Variants in WDHD1 observed in about 807,000 individuals in gnomAD.
The protein encoded by WDHD1 is WD repeat and HMG-box DNA-binding protein 1.
Under a neutral mutation model 135.4 loss-of-function variants are expected in WDHD1, and 111 were observed. That is an observed-to-expected ratio of 0.82 (90% CI 0.70 to 0.96). The LOEUF is 0.96. WDHD1 is among the 40% of genes least tolerant of loss of function. The pLI, the probability that WDHD1 is intolerant of heterozygous loss-of-function variation, is 0.00. For missense variants in WDHD1, 1,351 were observed against 1,336.3 expected (o/e 1.01, Z -0.17); for synonymous variants, 434 against 439.0 (o/e 0.99, Z 0.14).
intron 2 of WDHD1, among the ~76,000 whole-genome samples, chr14:55,019,925 T>A (rs1223367100): frequency 6.6e-6 from 1 of 152,156 alleles, no homozygotes; most frequent in African/African-American, 2.4e-5. Flanking sequence ...ATATCAAGAC[T>A]TCATCAGCTT....
At chr14:54,996,482 C>A (rs1311439917) in intron 10 of WDHD1, among the ~76,000 whole-genome samples, 1 of 152,116 alleles carries the variant, frequency 6.6e-6, no homozygotes, top group African/African-American at 2.4e-5. Context: ...TGTCTATAGT[C>A]CCAGCTACCT....
chr14:54,947,710 GC>G (rs2040952622), intron 24 of WDHD1, among the ~76,000 whole-genome samples: 1 of 151,852 alleles, frequency 6.6e-6, no homozygotes. Flanking sequence ...TCCTGCCTCA[GC>G]CTCCCAAGTA....
chr14:54,977,962 C>A, intron 16 of WDHD1, among the ~76,000 whole-genome samples: 1 of 147,544 alleles, frequency 6.8e-6, no homozygotes, highest in African/African-American at 2.5e-5. Context: ...GGATAAATTA[C>A]TAAGGGTGTG....
At chr14:55,004,449 C>T (rs1321353060) in intron 7 of WDHD1, among the ~76,000 whole-genome samples, 2 of 151,728 alleles carry the variant, frequency 1.3e-5, no homozygotes, top group Admixed American at 6.6e-5. Context: ...TTTTTAGCAA[C>T]CAATGTTTAT....
At chr14:54,974,155 C>T (rs2140181360) in intron 16 of WDHD1, among the ~76,000 whole-genome samples, 1 of 151,464 alleles carries the variant, frequency 6.6e-6, no homozygotes, top group Non-Finnish European at 1.5e-5. Flanking sequence ...GGCACAGTGG[C>T]TCATGCCTGT....
chr14:55,026,829 CTTA>C, intron 1 of WDHD1, 26 bp from the exon 2 acceptor site: 2 of 1,607,544 alleles, frequency 1.2e-6, no homozygotes, highest in Non-Finnish European at 1.7e-6. Flanking sequence ...AAAAGCCAGT[CTTA>C]TTATTTCAAA....
rs1027278121 is a variant in WDHD1, at chr14:55,006,510, T to G, written c.600+770A>C. Among the ~76,000 whole-genome samples the G allele has an allele frequency of 5.3e-5, 8 of 152,240 alleles. No individual in the cohort carries two copies. The East Asian group carries it at 1.5e-3, about 29-fold the overall frequency. On this transcript the variant is annotated intron_variant, in intron 7 of 25. Transcript: ENST00000360586. ...CCAGTTACCTTACTAAATTTTCTTA[T>G]TAGTAGTAATGATTTTCTTCCCCAG... is the stretch of plus-strand genomic sequence containing the variant.
At chr14:54,948,785 C>T (rs778352315) in intron 24 of WDHD1, among the ~76,000 whole-genome samples, 1 of 152,150 alleles carries the variant, frequency 6.6e-6, no homozygotes, top group South Asian at 2.1e-4. Context: ...CTCACACGGC[C>T]GGGTACCCCT....
intron 16 of WDHD1, among the ~76,000 whole-genome samples, chr14:54,968,516 A>C (rs2041380637): frequency 6.6e-6 from 1 of 152,186 alleles, no homozygotes; most frequent in African/African-American, 2.4e-5. Flanking sequence ...AAATAACAGC[A>C]GAACTAAACA....
In WDHD1 at chr14:55,027,034, G is replaced by A; in HGVS notation, c.-23C>T. 2.0e-6 allele frequency: 1 copy of A among 499,816 alleles called. No homozygotes were observed. Among genetic ancestry groups the A allele is most frequent in the Non-Finnish European group, 3.6e-6 (1 of 275,578 alleles). The allele number at this position is 499,816 out of a possible 1,614,324, so 31.0% of individuals were successfully genotyped here. On this transcript the variant is annotated 5_prime_UTR_variant, in exon 1 of 26. Coordinates refer to ENST00000360586, the MANE Select transcript of WDHD1 (RefSeq NM_007086.4). Reference sequence around the variant, plus strand: ...AGCCGGAGTGGGGACTCACCCGGGTGACCGAGCCTCCGCCACTGAGGATCC... The same window carrying A: ...AGCCGGAGTGGGGACTCACCCGGGTAACCGAGCCTCCGCCACTGAGGATCC...
At chr14:54,977,087 G>GT (rs571063052) in intron 16 of WDHD1, among the ~76,000 whole-genome samples, 2,990 of 146,666 alleles carry the variant, frequency 0.02, 70 homozygotes, top group African/African-American at 0.061. Flanking sequence ...AAATAAGGTT[G>GT]TTTTTTTTTT....
chr14:54,991,252 C>G lies in WDHD1; in HGVS notation c.1302G>C (p.Gln434His), dbSNP rs370266207. 3 of 1,611,754 alleles carry G rather than the reference C, an allele frequency of 1.9e-6. No individual in the cohort carries two copies. In the African/African-American group the frequency reaches 4.0e-5, roughly 22 times the overall value. ...PMPTPRQKPF[Q>H]SGSTPLHLTH... is the part of the protein sequence containing the mutation. ...TGAGATGCAACGGTGTAGAACCTGA[C>G]TGAAATGGCTTTTGCCGGGGAGTTG... Residue 434 changes from glutamine to histidine, a missense_variant, in exon 12 of 26, where the codon CAG becomes CAC. By Grantham distance (24) the Gln-to-His change is conservative. Transcript: ENST00000360586.
intron 9 of WDHD1, 50 bp downstream of exon 9, chr14:55,000,836 A>G (rs2041968254): frequency 7.5e-7 from 1 of 1,341,112 alleles, no homozygotes; most frequent in African/African-American, 1.5e-5. Flanking sequence ...AACAAATACA[A>G]AACTAATAGA....
intron 7 of WDHD1, among the ~76,000 whole-genome samples, chr14:55,002,853 A>G (rs2041998677): frequency 6.6e-6 from 1 of 152,088 alleles, no homozygotes; most frequent in Admixed American, 6.6e-5. Flanking sequence ...TCAGCCTCCC[A>G]AAGTGCTGAG....
intron 16 of WDHD1, among the ~76,000 whole-genome samples, chr14:54,975,567 C>T (rs2041512293): frequency 6.6e-6 from 1 of 152,176 alleles, no homozygotes; most frequent in South Asian, 2.1e-4. Context: ...AGGATAGTCT[C>T]AAACTCCTGA....
rs372040759 is a variant in WDHD1, at chr14:54,941,660, C to T, written c.3220G>A (p.Ala1074Thr). 4.3e-6 allele frequency: 7 copies of T among 1,613,740 alleles called. No individual in the cohort carries two copies. The highest frequency in any genetic ancestry group is 5.1e-6 in the Non-Finnish European group (6 of 1,179,828). The stretch of plus-strand genomic sequence containing the variant: ...TTCTTTGCTTCAGTTCCTTCACTTG[C>T]CGTTTCTCCTTTGGCTTTGTTAGCC... The part of the protein sequence containing the change: ...VWANKAKGET[A>T]SEGTEAKKRK... The change falls in exon 26 of 26, where the codon GCA becomes ACA. Residue 1074 changes from alanine to threonine, a missense_variant. Ala to Thr is a moderately conservative substitution (Grantham distance 58, BLOSUM62 0). This residue lies in a region of WDHD1 where 1,330 missense variants were observed against 1,296.1 expected (regional missense o/e 1.03). Transcript: ENST00000360586.
chr14:54,996,548 C>A (rs1208543725), intron 10 of WDHD1, among the ~76,000 whole-genome samples: 2 of 152,112 alleles, frequency 1.3e-5, no homozygotes, highest in African/African-American at 4.8e-5. Context: ...TGCAGTGAGC[C>A]ATGATCTCAC....
rs985321497 is a variant in WDHD1, at chr14:54,940,969, C to G, written c.*521G>C. The G allele has an allele frequency of 6.6e-6, 1 of 152,104 alleles. No individual in the cohort carries two copies. Among genetic ancestry groups the G allele is most frequent in the African/African-American group, 2.4e-5 (1 of 41,414 alleles). The allele number at this position is 152,104 out of a possible 1,614,324, so 9.4% of individuals were successfully genotyped here. On this transcript the variant is annotated 3_prime_UTR_variant, in exon 26 of 26. Coordinates refer to ENST00000360586, the MANE Select transcript of WDHD1 (RefSeq NM_007086.4). ...CAACTGAAAGCCACATAGGAAATTT[C>G]CGAAACACAAAAGAAAAAGTCTCAC...
rs534450581 is a variant in WDHD1, at chr14:54,951,937, A to G, written c.3050+3624T>C. Among the ~76,000 whole-genome samples the G allele has an allele frequency of 3.2e-3, 483 of 152,352 alleles. 3 individuals are homozygous for G. The highest frequency in any genetic ancestry group is 0.011 in the African/African-American group (456 of 41,598). On this transcript the variant is annotated intron_variant, in intron 24 of 25. Transcript: ENST00000360586. Reference sequence around the variant, plus strand: ...CAGAAAAGGCCTGTGACAAAATTCAACAACGCTTCATGCTAAAAAACTCTC... The same window carrying G: ...CAGAAAAGGCCTGTGACAAAATTCAGCAACGCTTCATGCTAAAAAACTCTC...
Sources: allele counts gnomAD v4.1 joint callset (sites outside exome capture counted in the v4.1 genomes callset), GRCh38; gene constraint gnomAD v4.1.1; regional missense constraint gnomAD v4.1.1; transcripts MANE v1.5; gene names NCBI Gene and HGNC (gene_info 2026-07-23, HGNC 2026-07-21).